The following FSTL5 variants were observed in gnomAD, a reference collection of about 807,000 sequenced individuals.
FSTL5 encodes follistatin-related protein 5.
A neutral mutation model predicts 89.1 loss-of-function variants in FSTL5; 62 were observed. The observed-to-expected ratio is 0.70, with a 90% confidence interval of 0.57 to 0.86. FSTL5 has a LOEUF of 0.86. FSTL5 is among the 40% of genes least tolerant of loss of function. The probability of loss-of-function intolerance (pLI) is 0.00; values close to 1 mark genes in which losing one functional copy is unlikely to be tolerated. For missense variants in FSTL5, 1,057 were observed against 1,001.6 expected (o/e 1.06, Z -0.75); for synonymous variants, 383 against 346.2 (o/e 1.11, Z -1.18).
chr4:161,550,238 C>T (rs1259195603), intron 8 of FSTL5, among the ~76,000 whole-genome samples: 3 of 152,012 alleles, frequency 2.0e-5, no homozygotes, highest in Middle Eastern at 3.4e-3. Context: ...AAATCTGCTG[C>T]ACCCTTTCTG....
intron 10 of FSTL5, among the ~76,000 whole-genome samples, chr4:161,517,270 A>G (rs1467850398): frequency 6.6e-6 from 1 of 152,150 alleles, no homozygotes; most frequent in Non-Finnish European, 1.5e-5. Flanking sequence ...TCACACATGG[A>G]GCCCTGTGAA....
intron 8 of FSTL5, among the ~76,000 whole-genome samples, chr4:161,587,120 A>G (rs1384147826): frequency 1.3e-5 from 2 of 152,084 alleles, no homozygotes; most frequent in African/African-American, 4.8e-5. Context: ...AATTAAATAG[A>G]TGATCTGCTT....
intron 12 of FSTL5, among the ~76,000 whole-genome samples, chr4:161,494,073 T>C (rs1466050663): frequency 6.6e-6 from 1 of 152,198 alleles, no homozygotes; most frequent in Non-Finnish European, 1.5e-5. Flanking sequence ...CTTAAATTCA[T>C]TTCTTTTTAA....
In FSTL5 at chr4:161,775,884, T is replaced by G. The variant is rs1579083383; in HGVS notation, c.600A>C (p.Leu200=). The change falls in exon 5 of 16, where the codon CTA becomes CTC. Residue 200 remains leucine, a synonymous_variant. Transcript: ENST00000306100. ...DSNGLVDINE[L]TQVIKQEELG... ...ATATAGTCACTAATCATACCTGAGT[T>G]AGTTCATTAATATCTACAAGTCCAT... 6.6e-7 allele frequency: 1 copy of G among 1,511,110 alleles called. No homozygotes were observed. The highest frequency in any genetic ancestry group is 8.9e-7 in the Non-Finnish European group (1 of 1,117,506). 93.6% of individuals were successfully genotyped at this position (1,511,110 alleles called of 1,614,324 possible). A position where few individuals can be genotyped will look rare whatever the true frequency, so the allele number is the denominator to read the frequency against.
At chr4:161,857,466 A>G (rs1018883133) in intron 4 of FSTL5, among the ~76,000 whole-genome samples, 9 of 152,204 alleles carry the variant, frequency 5.9e-5, no homozygotes, top group African/African-American at 1.7e-4. Context: ...CTGCTACATT[A>G]TACTTATCTG....
Position 161,739,495 on chromosome 4 carries a change from C to G in FSTL5, c.727+19916G>C, listed in dbSNP as rs1739930519. Among the ~76,000 whole-genome samples the G allele has an allele frequency of 3.9e-5, 6 of 152,168 alleles. No individual in the cohort carries two copies. In the South Asian group the frequency reaches 1.2e-3, roughly 31 times the overall value. On this transcript the variant is annotated intron_variant, in intron 6 of 15. Coordinates refer to ENST00000306100, the MANE Select transcript of FSTL5 (RefSeq NM_020116.5). ...GCAAATTAATACAATTTGCTTATATCTCTTTATCAGTAAAATGTTCCACAA... is the reference window on the plus strand; with the variant it reads ...GCAAATTAATACAATTTGCTTATATGTCTTTATCAGTAAAATGTTCCACAA...
chr4:161,855,590 G>A (rs1428429688), intron 4 of FSTL5, among the ~76,000 whole-genome samples: 1 of 151,988 alleles, frequency 6.6e-6, no homozygotes, highest in African/African-American at 2.4e-5. Flanking sequence ...TTGGTCCTAG[G>A]ACTATACTTA....
chr4:161,528,999 T>C (rs957539068), intron 10 of FSTL5, among the ~76,000 whole-genome samples: 1 of 143,448 alleles, frequency 7.0e-6, no homozygotes, highest in African/African-American at 2.5e-5. Flanking sequence ...ATTAGTCACA[T>C]TGGCATTGTG....
chr4:161,975,281 C>T (rs1374457424), intron 3 of FSTL5, among the ~76,000 whole-genome samples: 1 of 150,372 alleles, frequency 6.7e-6, no homozygotes, highest in East Asian at 2.0e-4. Context: ...ATAAATCATG[C>T]TGCTATAAAG....
intron 6 of FSTL5, among the ~76,000 whole-genome samples, chr4:161,721,310 T>TAAAAAAA (rs1553961067): frequency 5.6e-5 from 6 of 107,220 alleles, no homozygotes; most frequent in Non-Finnish European, 1.0e-4. Context: ...AAAAAAAAAT[T>TAAAAAAA]TTTCTAAGAA....
Position 161,656,403 on chromosome 4 carries a change from T to G in FSTL5, c.819A>C (p.Gln273His), listed in dbSNP as rs1484252487. The G allele has an allele frequency of 6.2e-7, 1 of 1,611,448 alleles. No homozygotes were observed. Among genetic ancestry groups the G allele is most frequent in the Non-Finnish European group, 8.5e-7 (1 of 1,178,040 alleles). The change falls in exon 7 of 16, where the codon CAA becomes CAC. Residue 273 changes from glutamine to histidine, a missense_variant. Around this residue, in one of 3 missense-constraint regions of FSTL5, gnomAD observed 980 missense variants for 903.2 expected, o/e 1.08. Transcript: ENST00000306100. ...AGATAATGGGAGGTCTCAGGGTTCC[T>G]TGAATGGCACAGCTCAGAACAGCAC... ...GQSAVLSCAI[Q>H]GTLRPPIIWK... is the part of the protein sequence containing the mutation.
At chr4:161,560,009 T>G (rs1297294835) in intron 8 of FSTL5, among the ~76,000 whole-genome samples, 1 of 151,470 alleles carries the variant, frequency 6.6e-6, no homozygotes, top group Non-Finnish European at 1.5e-5. Context: ...CCAACACAAA[T>G]TTGTAAACTT....
chr4:161,921,198 A>T lies in FSTL5; in HGVS notation c.161-546T>A, dbSNP rs550552850. ...ATACAAGGCAGAAAATGTTAAGAAG[A>T]CAGGAGTGGAAAATAACTGTCTCTT... On this transcript the variant is annotated intron_variant, in intron 3 of 15. Transcript: ENST00000306100. Among the ~76,000 whole-genome samples the T allele has an allele frequency of 2.0e-5, 3 of 152,330 alleles. No individual in the cohort carries two copies. In the East Asian group the frequency reaches 5.8e-4, roughly 29 times the overall value.
Position 161,779,787 on chromosome 4 carries a change from A to ACATATATATATG in FSTL5, c.410-3714_410-3713insCATATATATATG, listed in dbSNP as rs1741571827. ...TATATATATATATGTATATATATAT[A>ACATATATATATG]TATATATATATATATATATATATGT... On this transcript the variant is annotated intron_variant, in intron 4 of 15. Coordinates refer to ENST00000306100, the MANE Select transcript of FSTL5 (RefSeq NM_020116.5). Among the ~76,000 whole-genome samples the ACATATATATATG allele has an allele frequency of 1.4e-3, 43 of 30,102 alleles. 1 individual carries two copies. The South Asian group carries it at 0.051, about 36-fold the overall frequency. The allele number at this position is 30,102 out of a possible 152,430, so 19.7% of individuals were successfully genotyped here.
chr4:161,527,786 C>T (rs1024438243), intron 10 of FSTL5, among the ~76,000 whole-genome samples: 10 of 151,536 alleles, frequency 6.6e-5, no homozygotes, highest in South Asian at 2.1e-4. Flanking sequence ...CCAGCCATCC[C>T]ATTACTGGGT....
chr4:161,758,741 C>T (rs1740671465), intron 6 of FSTL5, among the ~76,000 whole-genome samples: 1 of 152,140 alleles, frequency 6.6e-6, no homozygotes, highest in African/African-American at 2.4e-5. Flanking sequence ...TGGTCTTGAA[C>T]TCCTGACCTC....
intron 13 of FSTL5, among the ~76,000 whole-genome samples, chr4:161,470,316 C>T (rs1733893302): frequency 6.6e-6 from 1 of 152,008 alleles, no homozygotes; most frequent in African/African-American, 2.4e-5. Context: ...TGCATGTGGA[C>T]ATCCAGTTTT....
chr4:162,036,636 C>A (rs1463442456), intron 2 of FSTL5, among the ~76,000 whole-genome samples: 2 of 151,528 alleles, frequency 1.3e-5, no homozygotes, highest in African/African-American at 4.8e-5. Context: ...TTGAATTAAC[C>A]AACAAAAGAG....
At chr4:161,766,766 G>A (rs1206973477) in intron 5 of FSTL5, among the ~76,000 whole-genome samples, 1 of 152,184 alleles carries the variant, frequency 6.6e-6, no homozygotes, top group African/African-American at 2.4e-5. Context: ...TAAGAAAGGT[G>A]TAGACAACGG....
Sources: gnomAD v4.1 joint callset for allele counts (sites outside exome capture counted in the v4.1 genomes callset) on GRCh38, gnomAD v4.1.1 for gene constraint, gnomAD v4.1.1 regional missense constraint, MANE v1.5 for transcripts, NCBI Gene and HGNC (gene_info 2026-07-23, HGNC 2026-07-21) for gene names.